The following PITPNC1 variants were observed in gnomAD, a reference collection of about 807,000 sequenced individuals.
PITPNC1 encodes the protein phosphatidylinositol transfer protein cytoplasmic 1.
A neutral mutation model predicts 44.7 loss-of-function variants in PITPNC1; 18 were observed. The observed-to-expected ratio is 0.40, with a 90% confidence interval of 0.28 to 0.60. The LOEUF (loss-of-function observed/expected upper bound fraction) is 0.60, where lower values mean the gene tolerates loss of function less well. PITPNC1 is among the 20% of genes least tolerant of loss of function. The probability of loss-of-function intolerance (pLI) is 0.39; values close to 1 mark genes in which losing one functional copy is unlikely to be tolerated. For synonymous variants in PITPNC1, 141 were observed against 149.6 expected (o/e 0.94, Z 0.42); for missense variants, 290 against 418.4 (o/e 0.69, Z 2.68).
In PITPNC1 at chr17:67,676,300, C is replaced by T. The variant is rs1328561096; in HGVS notation, c.682+758C>T. 6.6e-6 allele frequency among the ~76,000 whole-genome samples: 1 copy of T among 152,094 alleles called. No individual in the cohort carries two copies. The highest frequency in any genetic ancestry group is 1.5e-5 in the Non-Finnish European group (1 of 68,032). On this transcript the variant is annotated intron_variant, in intron 8 of 8. Transcript: ENST00000581322. The surrounding 1 kb of genome is among the most constrained non-coding windows in gnomAD (Gnocchi z 4.0). ...AGGGCAGACAGAGGCATAGGTGCCC[C>T]GTTCATCCTAATTGAAACTATTGTT...
chr17:67,525,695 C>T (rs2040383588), intron 1 of PITPNC1, among the ~76,000 whole-genome samples: 1 of 152,202 alleles, frequency 6.6e-6, no homozygotes, highest in African/African-American at 2.4e-5. Flanking sequence ...TGGTTTGTGC[C>T]TCCTGAAGCA....
intron 4 of PITPNC1, among the ~76,000 whole-genome samples, chr17:67,575,819 T>TTTCCTTCCTTCCTTCC (rs1173397726): frequency 9.2e-6 from 1 of 108,462 alleles, no homozygotes; most frequent in African/African-American, 3.6e-5. Context: ...TCTTTCTTTC[T>TTTCCTTCCTTCCTTCC]TTCCTTCCTT....
intron 4 of PITPNC1, among the ~76,000 whole-genome samples, chr17:67,573,556 C>CTTTT (rs35434515): frequency 1.2e-5 from 1 of 84,050 alleles, no homozygotes; most frequent in African/African-American, 5.2e-5. Context: ...ACTGAATACT[C>CTTTT]TTTTTTTTTT....
intron 4 of PITPNC1, among the ~76,000 whole-genome samples, chr17:67,566,027 G>GT (rs956537724): frequency 4.0e-5 from 6 of 151,538 alleles, no homozygotes; most frequent in African/African-American, 1.5e-4. Context: ...TTTACACTTT[G>GT]TTTTTTTAAT....
intron 4 of PITPNC1, among the ~76,000 whole-genome samples, chr17:67,576,312 T>A (rs545953803): frequency 2.0e-4 from 30 of 152,218 alleles, no homozygotes; most frequent in African/African-American, 7.2e-4. Flanking sequence ...GGCCATTTAC[T>A]TACCCTCTCT....
chr17:67,471,644 T>C, intron 1 of PITPNC1: 1 of 324,012 alleles, frequency 3.1e-6, no homozygotes, highest in Non-Finnish European at 6.0e-6. Context: ...CAGGTTGACA[T>C]CATATACCCC....
At chr17:67,643,863 G>C (rs1272026829) in intron 6 of PITPNC1, among the ~76,000 whole-genome samples, 1 of 152,210 alleles carries the variant, frequency 6.6e-6, no homozygotes, top group Non-Finnish European at 1.5e-5. Flanking sequence ...TGGGTTGCAG[G>C]AATGGTGGCT....
chr17:67,526,267 T>C (rs1001254633), intron 1 of PITPNC1, among the ~76,000 whole-genome samples: 1 of 152,066 alleles, frequency 6.6e-6, no homozygotes, highest in African/African-American at 2.4e-5. Flanking sequence ...TGGGGAAGGG[T>C]GAAGTGAAAA....
intron 5 of PITPNC1, among the ~76,000 whole-genome samples, chr17:67,600,551 A>T (rs1403887597): frequency 6.6e-6 from 1 of 152,080 alleles, no homozygotes; most frequent in East Asian, 1.9e-4. Context: ...ATTGAAATGA[A>T]ATCTAAGTGG....
At chr17:67,653,255 A>T (rs923193855) in intron 6 of PITPNC1, among the ~76,000 whole-genome samples, 1 of 152,172 alleles carries the variant, frequency 6.6e-6, no homozygotes, top group Non-Finnish European at 1.5e-5. Context: ...TGGGTGACAC[A>T]GCAAGACTCT....
chr17:67,635,242 G>C (rs768539170), intron 6 of PITPNC1, among the ~76,000 whole-genome samples: 1 of 152,158 alleles, frequency 6.6e-6, no homozygotes, highest in Non-Finnish European at 1.5e-5. Flanking sequence ...AGGTTCTGTC[G>C]TGGCTTGCGC....
At chr17:67,628,728 G>A (rs528791131) in intron 5 of PITPNC1, among the ~76,000 whole-genome samples, 1 of 152,304 alleles carries the variant, frequency 6.6e-6, no homozygotes, top group Admixed American at 6.5e-5. Context: ...TGCAAGGCCT[G>A]CAGCACGCAG....
intron 1 of PITPNC1, among the ~76,000 whole-genome samples, chr17:67,512,973 T>A (rs1233212158): frequency 6.6e-6 from 1 of 152,146 alleles, no homozygotes. Context: ...ACCCCACACT[T>A]AAGTGGCTTC....
chr17:67,400,459 G>A (rs926702817), intron 1 of PITPNC1, among the ~76,000 whole-genome samples: 1 of 152,170 alleles, frequency 6.6e-6, no homozygotes, highest in African/African-American at 2.4e-5. Context: ...GAAGAAGTCT[G>A]GTGCAAATAA....
chr17:67,379,004 T>C, intron 1 of PITPNC1: 1 of 985,454 alleles, frequency 1.0e-6, no homozygotes, highest in Non-Finnish European at 1.2e-6. Context: ...CTCCCGATCC[T>C]GCGAAGCCGC....
chr17:67,537,909 T>C (rs946272057), intron 2 of PITPNC1, among the ~76,000 whole-genome samples: 1 of 151,804 alleles, frequency 6.6e-6, no homozygotes, highest in Admixed American at 6.6e-5. Context: ...TAGGTGGTGG[T>C]TGCAGTGACC....
chr17:67,578,124 C>CT (rs1221811943), intron 4 of PITPNC1, 62 bp from the exon 5 acceptor site: 1 of 1,127,692 alleles, frequency 8.9e-7, no homozygotes, highest in Non-Finnish European at 1.3e-6. Flanking sequence ...TTCAGAAGCT[C>CT]TGCTGAATAT....
rs897254619 is a variant in PITPNC1 at position 67,434,846 on chromosome 17, C to T, written c.48+56644C>T. Reference sequence around the variant, plus strand: ...ATAAAAGGCCAGGCTAGGTGGCTCACGCCTGTAATCCCAACACTTTGGGAG... The same window carrying T: ...ATAAAAGGCCAGGCTAGGTGGCTCATGCCTGTAATCCCAACACTTTGGGAG... On this transcript the variant is annotated intron_variant, in intron 1 of 8. Coordinates refer to ENST00000581322, the MANE Select transcript of PITPNC1 (RefSeq NM_012417.4). 6.0e-5 allele frequency among the ~76,000 whole-genome samples: 9 copies of T among 150,980 alleles called. No individual in the cohort carries two copies. The East Asian group carries it at 1.7e-3, about 29-fold the overall frequency.
At chr17:67,383,558 C>T (rs578201197) in intron 1 of PITPNC1, among the ~76,000 whole-genome samples, 2 of 152,174 alleles carry the variant, frequency 1.3e-5, no homozygotes, top group Non-Finnish European at 2.9e-5. Context: ...CCCGCAGCCA[C>T]TCGGTCCCAG....
Sources: allele counts gnomAD v4.1 joint callset (sites outside exome capture counted in the v4.1 genomes callset), GRCh38; gene constraint gnomAD v4.1.1; non-coding constraint Gnocchi (gnomAD v3.1); transcripts MANE v1.5; gene names NCBI Gene and HGNC (gene_info 2026-07-23, HGNC 2026-07-21).